The following NTAQ1 variants were observed in gnomAD, a reference collection of about 807,000 sequenced individuals.
NTAQ1 encodes the protein N-terminal glutamine amidase 1, also known as protein N-terminal glutamine amidohydrolase.
In NTAQ1, 21 loss-of-function variants were observed where a neutral mutation model predicts 28.2. The observed-to-expected ratio is 0.74, with a 90% confidence interval of 0.53 to 1.07. NTAQ1 has a LOEUF of 1.07. Ranked by LOEUF, NTAQ1 falls within the 50% of genes least tolerant of loss-of-function variation. The pLI, the probability that NTAQ1 is intolerant of heterozygous loss-of-function variation, is 0.00. For synonymous variants in NTAQ1, 105 were observed against 90.0 expected, an observed-to-expected ratio of 1.17 and a Z score of -0.94; for missense variants, 264 against 256.6, an observed-to-expected ratio of 1.03 and a Z score of -0.20.
At chr8:123,449,411 A>T (rs1174037613), downstream of NTAQ1, among the ~76,000 whole-genome samples, 1 of 152,050 alleles carries the variant, frequency 6.6e-6, no homozygotes, top group Non-Finnish European at 1.5e-5. Flanking sequence ...TTCATGGAGG[A>T]TGCTTATTTA....
At chr8:123,469,916 T>C (rs1338687595) in exon 7 of NTAQ1, among the ~76,000 whole-genome samples, 1 of 152,210 alleles carries the variant, frequency 6.6e-6, no homozygotes, top group Non-Finnish European at 1.5e-5. Context: ...AGACATGTTA[T>C]GGACTAAATG....
At chr8:123,454,795 C>G (rs1056777741) in intron 6 of NTAQ1, among the ~76,000 whole-genome samples, 2 of 152,190 alleles carry the variant, frequency 1.3e-5, no homozygotes, top group African/African-American at 4.8e-5. Flanking sequence ...TCAAGAAGAT[C>G]ACCTACCCCT....
the NTAQ1 span, among the ~76,000 whole-genome samples, chr8:123,475,058 AAG>A: frequency 6.6e-6 from 1 of 152,188 alleles, no homozygotes; most frequent in African/African-American, 2.4e-5. Context: ...ATTCTTCTCT[AAG>A]AGAGAGTTAT....
At chr8:123,475,230 A>G in the NTAQ1 span, among the ~76,000 whole-genome samples, 1 of 152,198 alleles carries the variant, frequency 6.6e-6, no homozygotes, top group African/African-American at 2.4e-5. Context: ...TATCCTTTCA[A>G]CATGCCTCAT....
downstream of NTAQ1, among the ~76,000 whole-genome samples, chr8:123,470,060 T>A (rs892742521): frequency 2.0e-5 from 3 of 152,180 alleles, no homozygotes; most frequent in Non-Finnish European, 4.4e-5. Flanking sequence ...ATTAGTGGCC[T>A]TATAAGAAAA....
rs890403036 is a variant in NTAQ1 at position 123,416,890 on chromosome 8, C to G, written c.41C>G (p.Ala14Gly). Residue 14 changes from alanine to glycine, a missense_variant, in exon 1 of 6, where the codon GCC becomes GGC. Ala to Gly is a moderately conservative substitution (Grantham distance 60, BLOSUM62 0). Transcript: ENST00000287387. ...CCCGCTGCTGTCCACTACCAGCCGGCCAGCCCCCCGCGGGACGCCTGCGTC... is the reference window on the plus strand; with the variant it reads ...CCCGCTGCTGTCCACTACCAGCCGGGCAGCCCCCCGCGGGACGCCTGCGTC... ...NGPAAVHYQPASPPRDACVYS... is the reference protein window; with the variant it reads ...NGPAAVHYQPGSPPRDACVYS... 2.0e-6 allele frequency: 3 copies of G among 1,526,718 alleles called. No homozygotes were observed. The highest frequency in any genetic ancestry group is 2.8e-5 in the African/African-American group (2 of 70,662). 94.6% of individuals were successfully genotyped at this position (1,526,718 alleles called of 1,614,324 possible).
At chr8:123,446,087 A>G (rs375706236), downstream of NTAQ1, among the ~76,000 whole-genome samples, 7 of 150,552 alleles carry the variant, frequency 4.6e-5, no homozygotes, top group African/African-American at 1.7e-4. Context: ...TCCGCCTCCC[A>G]GGTTCAAGCG....
downstream of NTAQ1, among the ~76,000 whole-genome samples, chr8:123,443,545 C>G (rs1586956693): frequency 6.6e-6 from 1 of 152,184 alleles, no homozygotes; most frequent in Non-Finnish European, 1.5e-5. Flanking sequence ...CTTGCCTGCT[C>G]TGTATCAGAT....
intron 5 of NTAQ1, among the ~76,000 whole-genome samples, chr8:123,441,022 A>AT (rs1563896263): frequency 7.0e-6 from 1 of 143,154 alleles, no homozygotes. Flanking sequence ...AGAGAAGATC[A>AT]GTACTTAGCC....
chr8:123,464,232 A>G (rs1328210101), intron 6 of NTAQ1, among the ~76,000 whole-genome samples: 4 of 152,120 alleles, frequency 2.6e-5, no homozygotes, highest in Non-Finnish European at 5.9e-5. Flanking sequence ...GGGTCTTTAT[A>G]CCCCTAAAGG....
chr8:123,454,070 G>T (rs1310666368), intron 6 of NTAQ1, among the ~76,000 whole-genome samples: 2 of 152,184 alleles, frequency 1.3e-5, no homozygotes, highest in African/African-American at 4.8e-5. Context: ...GTCCTTCACA[G>T]CTGTCCACCT....
downstream of NTAQ1, among the ~76,000 whole-genome samples, chr8:123,445,553 T>C (rs1296063749): frequency 1.3e-5 from 2 of 152,142 alleles, no homozygotes; most frequent in African/African-American, 2.4e-5. Context: ...ACAATAAATG[T>C]TTTTGTTTAT....
upstream of NTAQ1, chr8:123,416,761 A>G: frequency 7.8e-7 from 1 of 1,278,578 alleles, no homozygotes; most frequent in Non-Finnish European, 1.0e-6. Flanking sequence ...CACGCCGGGA[A>G]CCCACGCGGG....
chr8:123,424,912 G>A (rs928375764), intron 1 of NTAQ1, among the ~76,000 whole-genome samples: 12 of 152,060 alleles, frequency 7.9e-5, no homozygotes, highest in African/African-American at 2.9e-4. Flanking sequence ...TATCCTCCAA[G>A]CACTTAGCAC....
chr8:123,448,551 G>A (rs1475990430), downstream of NTAQ1, among the ~76,000 whole-genome samples: 1 of 152,184 alleles, frequency 6.6e-6, no homozygotes, highest in African/African-American at 2.4e-5. Flanking sequence ...CCCGGGAGGT[G>A]GAGGTTGCAG....
intron 6 of NTAQ1, among the ~76,000 whole-genome samples, chr8:123,455,361 C>T (rs550623918): frequency 2.2e-4 from 34 of 151,544 alleles, no homozygotes; most frequent in Non-Finnish European, 3.2e-4. Context: ...CTGTTTCCAG[C>T]GAGGACCTGT....
chr8:123,435,931 A>C (rs1814680363), intron 3 of NTAQ1, among the ~76,000 whole-genome samples: 1 of 150,558 alleles, frequency 6.6e-6, no homozygotes, highest in Middle Eastern at 3.3e-3. Flanking sequence ...ACTTTTGGAG[A>C]CTGAGGCGGG....
chr8:123,434,195 A>C (rs961234768), intron 3 of NTAQ1, among the ~76,000 whole-genome samples: 9 of 152,258 alleles, frequency 5.9e-5, no homozygotes, highest in Non-Finnish European at 8.8e-5. Flanking sequence ...GTTCTCCACA[A>C]TATCCTGCAG....
At chr8:123,440,363 C>T (rs1034447744) in intron 5 of NTAQ1, among the ~76,000 whole-genome samples, 2 of 151,276 alleles carry the variant, frequency 1.3e-5, no homozygotes, top group African/African-American at 4.9e-5. Context: ...ACCACGTTGG[C>T]CAGGCTGGTC....
Sources: gnomAD v4.1 joint callset for allele counts (sites outside exome capture counted in the v4.1 genomes callset) on GRCh38, gnomAD v4.1.1 for gene constraint, MANE v1.5 for transcripts, NCBI Gene and HGNC (gene_info 2026-07-23, HGNC 2026-07-21) for gene names.